Variants in KIRREL3 observed in about 807,000 individuals in gnomAD.
KIRREL3 encodes kin of IRRE-like protein 3.
Under a neutral mutation model 89.7 loss-of-function variants are expected in KIRREL3, and 36 were observed. The ratio of observed to expected loss-of-function variants is 0.40; its 90% CI spans 0.31 to 0.53. The LOEUF is 0.53. Ranked by LOEUF, KIRREL3 falls within the 20% of genes least tolerant of loss-of-function variation. The pLI is 0.49. For synonymous variants in KIRREL3, 445 were observed against 441.4 expected, an observed-to-expected ratio of 1.01 and a Z score of -0.10; for missense variants, 864 against 1,056.6, an observed-to-expected ratio of 0.82 and a Z score of 2.53.
rs1303410782 is a variant in KIRREL3 at position 126,715,409 on chromosome 11, A to C, written c.56-152497T>G. 1.3e-5 allele frequency among the ~76,000 whole-genome samples: 2 copies of C among 152,162 alleles called. No homozygotes were observed. The highest frequency in any genetic ancestry group is 6.5e-5 in the Admixed American group (1 of 15,274). ...GAGGGGGTCTCCAAATTAAAATGCA[A>C]GTTTTAAGTCAGTGCTCTCCTTTCC... On this transcript the variant is annotated intron_variant, in intron 1 of 16. Coordinates refer to ENST00000525144, the MANE Select transcript of KIRREL3 (RefSeq NM_032531.4). This position sits in a 1 kb window ranked among gnomAD's most constrained non-coding sequence, Gnocchi z 4.4.
intron 5 of KIRREL3, among the ~76,000 whole-genome samples, chr11:126,465,866 A>G (rs546092661): frequency 1.3e-5 from 2 of 152,332 alleles, no homozygotes; most frequent in African/African-American, 2.4e-5. Context: ...CATCGAGTCT[A>G]TAAATAGCCA....
At chr11:126,915,261 T>C (rs1157639341) in intron 1 of KIRREL3, among the ~76,000 whole-genome samples, 1 of 152,188 alleles carries the variant, frequency 6.6e-6, no homozygotes, top group Non-Finnish European at 1.5e-5. Context: ...TTTTTGAGGG[T>C]TTTTGAAGTC....
chr11:126,843,476 G>A lies in KIRREL3; in HGVS notation c.55+156979C>T, dbSNP rs922611020. ...CATTCCCAAAGTCCTGCTTTCAATT[G>A]TGATCTGCCCAGTCTCGTCCCACAG... On this transcript the variant is annotated intron_variant, in intron 1 of 16. Transcript: ENST00000525144. This position sits in a 1 kb window ranked among gnomAD's most constrained non-coding sequence, Gnocchi z 4.6. Among the ~76,000 whole-genome samples the A allele has an allele frequency of 2.0e-5, 3 of 152,090 alleles. No homozygotes were observed. The highest frequency in any genetic ancestry group is 4.8e-5 in the African/African-American group (2 of 41,406).
At chr11:126,886,396 TA>T (rs776697125) in intron 1 of KIRREL3, among the ~76,000 whole-genome samples, 4 of 152,214 alleles carry the variant, frequency 2.6e-5, no homozygotes, top group African/African-American at 4.8e-5. Context: ...CTGTATCTCC[TA>T]CCAGCGCTAA....
At position 126,682,552 on chromosome 11, in the gene KIRREL3, T is replaced by G. The variant is rs1006554429; in HGVS notation, c.56-119640A>C. 6.6e-6 allele frequency among the ~76,000 whole-genome samples: 1 copy of G among 152,044 alleles called. No homozygotes were observed. Among genetic ancestry groups the G allele is most frequent in the Non-Finnish European group, 1.5e-5 (1 of 68,010 alleles). On this transcript the variant is annotated intron_variant, in intron 1 of 16. Transcript: ENST00000525144. The surrounding 1 kb of genome is among the most constrained non-coding windows in gnomAD (Gnocchi z 4.8). ...TTTGTCAATTTTTTAAAGACAGTGG[T>G]CCCCAGCATTTTTGGCACCAGGGAC...
chr11:126,583,185 C>T (rs1052489286), intron 1 of KIRREL3, among the ~76,000 whole-genome samples: 4 of 152,342 alleles, frequency 2.6e-5, no homozygotes, highest in African/African-American at 9.6e-5. Context: ...TGGTCCTGGA[C>T]CTTCCTGCTA....
At chr11:126,823,203 G>A (rs944268120) in intron 1 of KIRREL3, among the ~76,000 whole-genome samples, 5 of 152,202 alleles carry the variant, frequency 3.3e-5, no homozygotes, top group African/African-American at 9.7e-5. Flanking sequence ...CTACCATTTA[G>A]AAGGACTGGT....
chr11:126,540,387 C>T (rs532033541), intron 2 of KIRREL3, among the ~76,000 whole-genome samples: 14 of 152,310 alleles, frequency 9.2e-5, no homozygotes, highest in South Asian at 6.2e-4. Flanking sequence ...GTTCCTCACC[C>T]GGGCTGAGCC....
rs979793699 is a variant in KIRREL3 at position 126,844,292 on chromosome 11, C to T, written c.55+156163G>A. Among the ~76,000 whole-genome samples, 4 of 152,000 alleles carry T rather than the reference C, an allele frequency of 2.6e-5. No homozygotes were observed. Among genetic ancestry groups the T allele is most frequent in the South Asian group, 2.1e-4 (1 of 4,824 alleles). On this transcript the variant is annotated intron_variant, in intron 1 of 16. Transcript: ENST00000525144. The surrounding 1 kb of genome is among the most constrained non-coding windows in gnomAD (Gnocchi z 4.8). ...CTAACTTTGGGTAAGTGGTGGGGTC[C>T]GGTGACATCTTTCTGGTGACCACAG... is the stretch of plus-strand genomic sequence containing the variant.
At chr11:126,590,313 A>G (rs661607) in intron 1 of KIRREL3, among the ~76,000 whole-genome samples, 4,163 of 152,322 alleles carry the variant, frequency 0.027, 83 homozygotes, top group African/African-American at 0.053. Flanking sequence ...ATTGCTTTGC[A>G]ATTAATGCAG....
Position 126,563,733 on chromosome 11 carries a change from T to C in KIRREL3, c.56-821A>G, listed in dbSNP as rs896605911. On this transcript the variant is annotated intron_variant, in intron 1 of 16. Coordinates refer to ENST00000525144, the MANE Select transcript of KIRREL3 (RefSeq NM_032531.4). This position sits in a 1 kb window ranked among gnomAD's most constrained non-coding sequence, Gnocchi z 6.8. ...ATTTTGTAAATCAGTGTCCATTGTG[T>C]GTGTGAGCATTAAATTGGAGTCCAT... Among the ~76,000 whole-genome samples, 15 of 152,236 alleles carry C rather than the reference T, an allele frequency of 9.9e-5. No homozygotes were observed. Among genetic ancestry groups the C allele is most frequent in the Admixed American group, 3.9e-4 (6 of 15,290 alleles).
At position 126,993,158 on chromosome 11, in the gene KIRREL3, C is replaced by T. The variant is rs1044929686; in HGVS notation, c.55+7297G>A. 3.3e-5 allele frequency among the ~76,000 whole-genome samples: 5 copies of T among 152,178 alleles called. No individual in the cohort carries two copies. Among genetic ancestry groups the T allele is most frequent in the African/African-American group, 4.8e-5 (2 of 41,440 alleles). On this transcript the variant is annotated intron_variant, in intron 1 of 16. Transcript: ENST00000525144. This position sits in a 1 kb window ranked among gnomAD's most constrained non-coding sequence, Gnocchi z 6.1. Reference sequence around the variant, plus strand: ...AAAATAACATGTTGATCCCTAAACCCGTGATGTAGAGAGGACCACAAACCC... The same window carrying T: ...AAAATAACATGTTGATCCCTAAACCTGTGATGTAGAGAGGACCACAAACCC...
chr11:126,580,607 G>T (rs1941492650), intron 1 of KIRREL3, among the ~76,000 whole-genome samples: 1 of 152,132 alleles, frequency 6.6e-6, no homozygotes, highest in African/African-American at 2.4e-5. Flanking sequence ...AGTTCGCCCT[G>T]GCCCAGCCCC....
At chr11:126,929,229 A>C (rs1164017488) in intron 1 of KIRREL3, among the ~76,000 whole-genome samples, 4 of 152,196 alleles carry the variant, frequency 2.6e-5, no homozygotes, top group Non-Finnish European at 5.9e-5. Flanking sequence ...CAAAGTCCCC[A>C]GGAAGTCAAG....
chr11:126,899,619 C>A (rs1226894270), intron 1 of KIRREL3, among the ~76,000 whole-genome samples: 1 of 152,194 alleles, frequency 6.6e-6, no homozygotes, highest in African/African-American at 2.4e-5. Context: ...CCATTGTCAC[C>A]AATTGGCATA....
chr11:126,547,621 GAA>G (rs1938914343), intron 2 of KIRREL3, among the ~76,000 whole-genome samples: 1 of 152,174 alleles, frequency 6.6e-6, no homozygotes, highest in East Asian at 1.9e-4. Flanking sequence ...GGGCAGTGCA[GAA>G]AATTCACTCA....
rs1945794972 is a variant in KIRREL3, at chr11:126,668,737, C to CTTTCTTTCTTTG, written c.56-105826_56-105825insCAAAGAAAGAAA. 8.5e-6 allele frequency among the ~76,000 whole-genome samples: 1 copy of CTTTCTTTCTTTG among 118,320 alleles called. No homozygotes were observed. The highest frequency in any genetic ancestry group is 1.9e-5 in the Non-Finnish European group (1 of 53,664). The allele number at this position is 118,320 out of a possible 152,430, so 77.6% of individuals were successfully genotyped here. A position where few individuals can be genotyped will look rare whatever the true frequency, so the allele number is the denominator to read the frequency against. On this transcript the variant is annotated intron_variant, in intron 1 of 16. Coordinates refer to ENST00000525144, the MANE Select transcript of KIRREL3 (RefSeq NM_032531.4). This position sits in a 1 kb window ranked among gnomAD's most constrained non-coding sequence, Gnocchi z 4.4. ...TCTTTCTTTCTTTCTTTCTTTCTTT[C>CTTTCTTTCTTTG]TTTCTTTCTTTCTTTCTTTTTTCTC...
At chr11:126,893,606 G>A (rs575457147) in intron 1 of KIRREL3, among the ~76,000 whole-genome samples, 4 of 152,280 alleles carry the variant, frequency 2.6e-5, no homozygotes, top group East Asian at 3.9e-4. Context: ...TGGAAGGCCC[G>A]GCTACCCGGG....
intron 1 of KIRREL3, among the ~76,000 whole-genome samples, chr11:126,693,607 C>CCACACA (rs34918602): frequency 0.18 from 26,811 of 149,812 alleles, 2,583 homozygotes; most frequent in East Asian, 0.33. Context: ...GTGCCTGTGA[C>CCACACA]CACACACACA....
Sources: gnomAD v4.1 joint callset for allele counts (sites outside exome capture counted in the v4.1 genomes callset) on GRCh38, gnomAD v4.1.1 for gene constraint, Gnocchi (gnomAD v3.1) non-coding constraint, MANE v1.5 for transcripts, NCBI Gene and HGNC (gene_info 2026-07-23, HGNC 2026-07-21) for gene names.